Variants in WDPCP observed in about 807,000 individuals in gnomAD.
The protein encoded by WDPCP is WD repeat containing planar cell polarity effector.
WDPCP carries 71 observed loss-of-function variants against 93.1 expected under a neutral mutation model. That is an observed-to-expected ratio of 0.76 (90% CI 0.63 to 0.93). The LOEUF is 0.93. WDPCP is among the 40% of genes least tolerant of loss of function. The pLI is 0.00. For synonymous variants in WDPCP, 315 were observed against 315.0 expected, an observed-to-expected ratio of 1.00 and a Z score of 0.00; for missense variants, 844 against 887.4, an observed-to-expected ratio of 0.95 and a Z score of 0.62.
chr2:63,703,678 T>C (rs1377544024), intron 2 of WDPCP, among the ~76,000 whole-genome samples: 1 of 152,100 alleles, frequency 6.6e-6, no homozygotes, highest in Non-Finnish European at 1.5e-5. Flanking sequence ...TTGGTACCAG[T>C]ACCATGCTGT....
At chr2:63,345,061 G>C (rs189887953) in intron 12 of WDPCP, among the ~76,000 whole-genome samples, 1 of 152,140 alleles carries the variant, frequency 6.6e-6, no homozygotes, top group African/African-American at 2.4e-5. Context: ...CTTAACAGTT[G>C]CTTCAGTGGA....
chr2:63,570,603 C>T (rs1707412661), intron 1 of WDPCP, among the ~76,000 whole-genome samples: 1 of 152,092 alleles, frequency 6.6e-6, no homozygotes, highest in East Asian at 1.9e-4. Context: ...GGTAGATGAT[C>T]ATTATCATGT....
intron 3 of WDPCP, among the ~76,000 whole-genome samples, chr2:63,631,809 A>C (rs932698653): frequency 1.3e-5 from 2 of 152,202 alleles, no homozygotes; most frequent in African/African-American, 4.8e-5. Context: ...GGACTCCAGC[A>C]ACCTTTGCTG....
At chr2:63,169,333 C>T (rs1419686029) in intron 15 of WDPCP, among the ~76,000 whole-genome samples, 1 of 152,182 alleles carries the variant, frequency 6.6e-6, no homozygotes, top group Non-Finnish European at 1.5e-5. Context: ...ACTATACTAT[C>T]CTTGGTTCAC....
chr2:63,580,182 G>A (rs1309897715), intron 1 of WDPCP, among the ~76,000 whole-genome samples: 1 of 152,132 alleles, frequency 6.6e-6, no homozygotes, highest in Non-Finnish European at 1.5e-5. Context: ...AGATGAGAAG[G>A]AAAAACTCAA....
At chr2:63,745,474 T>C (rs1343965139) in intron 2 of WDPCP, among the ~76,000 whole-genome samples, 5 of 152,328 alleles carry the variant, frequency 3.3e-5, no homozygotes, top group East Asian at 3.9e-4. Context: ...TGTATTTACA[T>C]TCATAGTTTA....
At chr2:63,384,831 G>C (rs938867793) in intron 10 of WDPCP, among the ~76,000 whole-genome samples, 7 of 151,724 alleles carry the variant, frequency 4.6e-5, no homozygotes, top group Non-Finnish European at 1.0e-4. Flanking sequence ...ATTTCATGTG[G>C]TTAGAATTAC....
At chr2:63,453,421 A>G (rs1698397764) in intron 6 of WDPCP, among the ~76,000 whole-genome samples, 1 of 152,196 alleles carries the variant, frequency 6.6e-6, no homozygotes, top group African/African-American at 2.4e-5. Flanking sequence ...TTAGAATGGC[A>G]ATCATTAAAA....
intron 1 of WDPCP, among the ~76,000 whole-genome samples, chr2:63,539,740 T>C (rs1051196090): frequency 6.6e-6 from 1 of 152,168 alleles, no homozygotes; most frequent in African/African-American, 2.4e-5. Flanking sequence ...TGTATCAACT[T>C]AAGTTTTTAG....
intron 14 of WDPCP, among the ~76,000 whole-genome samples, chr2:63,195,357 T>C (rs558829456): frequency 6.6e-6 from 1 of 152,338 alleles, no homozygotes; most frequent in Admixed American, 6.5e-5. Flanking sequence ...TCACGTAATC[T>C]CTCAGATTGT....
At chr2:63,536,523 T>C (rs1029386602) in intron 1 of WDPCP, among the ~76,000 whole-genome samples, 7 of 152,058 alleles carry the variant, frequency 4.6e-5, no homozygotes, top group African/African-American at 1.4e-4. Context: ...TGGAATACTA[T>C]GCAGCCATAA....
intron 14 of WDPCP, among the ~76,000 whole-genome samples, chr2:63,221,890 A>T (rs934974425): frequency 6.6e-6 from 1 of 152,214 alleles, no homozygotes; most frequent in Non-Finnish European, 1.5e-5. Context: ...TAGGGCAATG[A>T]CATTAGAAAA....
chr2:63,159,401 A>G (rs1490907178), intron 15 of WDPCP, among the ~76,000 whole-genome samples: 1 of 151,910 alleles, frequency 6.6e-6, no homozygotes, highest in Non-Finnish European at 1.5e-5. Flanking sequence ...TGTTTCAGTA[A>G]TTTTAATGAT....
chr2:63,144,945 G>T (rs1034757002), intron 17 of WDPCP, among the ~76,000 whole-genome samples: 1 of 152,136 alleles, frequency 6.6e-6, no homozygotes, highest in Non-Finnish European at 1.5e-5. Context: ...GTCCCACAGG[G>T]TGTTCCCTTG....
At chr2:63,722,463 G>A (rs1309657511) in intron 2 of WDPCP, among the ~76,000 whole-genome samples, 7 of 140,234 alleles carry the variant, frequency 5.0e-5, no homozygotes, top group Non-Finnish European at 7.8e-5. Flanking sequence ...CGGCCGCCCC[G>A]TCTGAGAAGT....
intron 3 of WDPCP, among the ~76,000 whole-genome samples, chr2:63,602,493 T>C (rs918520175): frequency 3.9e-5 from 6 of 152,188 alleles, no homozygotes; most frequent in Middle Eastern, 3.4e-3. Flanking sequence ...AACCAGGAAG[T>C]TGATGAACTA....
rs780732970 is a variant in WDPCP, at chr2:63,152,942, C to T, written c.2162G>A (p.Gly721Glu). 1.9e-6 allele frequency: 3 copies of T among 1,612,708 alleles called. No individual in the cohort carries two copies. The highest frequency in any genetic ancestry group is 2.7e-5 in the African/African-American group (2 of 74,988). The change falls in exon 17 of 18, where the codon GGA becomes GAA. Residue 721 changes from glycine to glutamate, a missense_variant. Coordinates refer to ENST00000272321, the MANE Select transcript of WDPCP (RefSeq NM_015910.7). ...TTCTCTGCCGTCTTCTCTCAGTTCTCCGTCTAAAGTAAAAGATTAAAACAT... is the reference window on the plus strand; with the variant it reads ...TTCTCTGCCGTCTTCTCTCAGTTCTTCGTCTAAAGTAAAAGATTAAAACAT... The part of the protein sequence containing the change: ...LMTNTCNAED[G>E]ELREDGREQE...
intron 1 of WDPCP, among the ~76,000 whole-genome samples, chr2:63,494,287 T>TGATGATGACGACGAC (rs1553411029): frequency 2.9e-4 from 44 of 150,452 alleles, no homozygotes; most frequent in African/African-American, 7.3e-4. Context: ...ATGATGATGA[T>TGATGATGACGACGAC]GACGACGACG....
rs960983200 is a variant in WDPCP at position 63,474,652 on chromosome 2, A to C, written c.384+9952T>G. 1.6e-4 allele frequency among the ~76,000 whole-genome samples: 25 copies of C among 152,270 alleles called. 1 individual carries two copies. Among genetic ancestry groups the C allele is most frequent in the African/African-American group, 5.5e-4 (23 of 41,582 alleles). Reference sequence around the variant, plus strand: ...TTAAAACCATCTGTATCTGAGAGGGATGGGCAACTGGGTGGAGGAAGAATA... The same window carrying C: ...TTAAAACCATCTGTATCTGAGAGGGCTGGGCAACTGGGTGGAGGAAGAATA... On this transcript the variant is annotated intron_variant, in intron 6 of 17. Coordinates refer to ENST00000272321, the MANE Select transcript of WDPCP (RefSeq NM_015910.7).
Sources: gnomAD v4.1 joint callset for allele counts (sites outside exome capture counted in the v4.1 genomes callset) on GRCh38, gnomAD v4.1.1 for gene constraint, MANE v1.5 for transcripts, NCBI Gene and HGNC (gene_info 2026-07-23, HGNC 2026-07-21) for gene names.